HOPX: variants seen among roughly 807,000 people sequenced by gnomAD.
HOPX encodes the protein HOP homeobox.
A neutral mutation model predicts 11.8 loss-of-function variants in HOPX; 5 were observed. The observed-to-expected ratio is 0.43, with a 90% CI of 0.22 to 0.89. The LOEUF (loss-of-function observed/expected upper bound fraction) is 0.89, where lower values mean the gene tolerates loss of function less well. Ranked by LOEUF, HOPX falls within the 40% of genes least tolerant of loss-of-function variation. HOPX has a pLI of 0.28. For missense variants in HOPX, 119 were observed against 120.0 expected, an observed-to-expected ratio of 0.99 and a Z score of 0.04; for synonymous variants, 49 against 49.7, an observed-to-expected ratio of 0.99 and a Z score of 0.06.
At chr4:56,670,857 C>T (rs1218916690) in intron 1 of HOPX, among the ~76,000 whole-genome samples, 1 of 151,936 alleles carries the variant, frequency 6.6e-6, no homozygotes, top group African/African-American at 2.4e-5. Context: ...ATTAGCCAGG[C>T]ATGATGGCAG....
intron 3 of HOPX, among the ~76,000 whole-genome samples, chr4:56,654,085 A>G (rs1717451596): frequency 6.6e-6 from 1 of 152,122 alleles, no homozygotes; most frequent in Non-Finnish European, 1.5e-5. Flanking sequence ...GGTGGTTAAG[A>G]GTCTGGGCTT....
chr4:56,677,528 A>T (rs1719079188), intron 1 of HOPX, among the ~76,000 whole-genome samples: 1 of 151,754 alleles, frequency 6.6e-6, no homozygotes, highest in African/African-American at 2.4e-5. Context: ...GTCTATTAAC[A>T]TCCTAATTTT....
intron 3 of HOPX, among the ~76,000 whole-genome samples, chr4:56,654,920 A>G (rs1717532336): frequency 6.6e-6 from 1 of 152,198 alleles, no homozygotes; most frequent in African/African-American, 2.4e-5. Context: ...AGTTCCAAGT[A>G]GTCTATCATG....
intron 2 of HOPX, chr4:56,656,261 C>A: frequency 1.7e-6 from 2 of 1,166,120 alleles, no homozygotes; most frequent in South Asian, 7.8e-5. Flanking sequence ...CTGCGCCTCC[C>A]GCGCCCCCCG....
chr4:56,678,438 A>ATTTTTT (rs57921708), intron 1 of HOPX, among the ~76,000 whole-genome samples: 7 of 100,268 alleles, frequency 7.0e-5, no homozygotes, highest in African/African-American at 2.1e-4. Context: ...CTAGTCACTG[A>ATTTTTT]TTTTTTTTTT....
At chr4:56,671,751 C>T (rs1718746235) in intron 1 of HOPX, among the ~76,000 whole-genome samples, 1 of 152,098 alleles carries the variant, frequency 6.6e-6, no homozygotes, top group African/African-American at 2.4e-5. Flanking sequence ...TTTGAACCTA[C>T]AATAGATCAC....
chr4:56,650,717 G>T (rs752398547), intron 3 of HOPX: 1 of 1,551,650 alleles, frequency 6.4e-7, no homozygotes, highest in Non-Finnish European at 8.7e-7. Flanking sequence ...AAAAGTAATC[G>T]AAAGCCAAGC....
intron 1 of HOPX, among the ~76,000 whole-genome samples, chr4:56,660,383 T>C (rs1718044780): frequency 6.6e-6 from 1 of 152,182 alleles, no homozygotes; most frequent in African/African-American, 2.4e-5. Context: ...TTTTAAAATG[T>C]TATATTGATT....
At chr4:56,655,341 G>A (rs1717581902) in intron 3 of HOPX, among the ~76,000 whole-genome samples, 1 of 152,166 alleles carries the variant, frequency 6.6e-6, no homozygotes, top group African/African-American at 2.4e-5. Flanking sequence ...TCCTGACAGC[G>A]CCCTCCCTCC....
At chr4:56,655,781 G>C in intron 3 of HOPX, 76 bp downstream of exon 3, 1 of 1,508,076 alleles carries the variant, frequency 6.6e-7, no homozygotes, top group Non-Finnish European at 8.9e-7. Context: ...AGGCGCGGAC[G>C]AACAGGACCG....
intron 1 of HOPX, among the ~76,000 whole-genome samples, chr4:56,662,064 G>A (rs555387736): frequency 6.6e-6 from 1 of 152,186 alleles, no homozygotes; most frequent in East Asian, 1.9e-4. Flanking sequence ...CACAGAGATA[G>A]ATTGAAAATG....
intron 1 of HOPX, 59 bp from the exon 2 acceptor site, chr4:56,657,958 T>C (rs6857396): frequency 0.35 from 521,826 of 1,489,848 alleles, 94,339 homozygotes; most frequent in Middle Eastern, 0.41. Flanking sequence ...CATTGCCATT[T>C]TGAATGGGCA....
At chr4:56,666,671 T>A (rs989905282) in intron 1 of HOPX, among the ~76,000 whole-genome samples, 1 of 152,208 alleles carries the variant, frequency 6.6e-6, no homozygotes, top group African/African-American at 2.4e-5. Flanking sequence ...AGTGGAGTAT[T>A]TAGTCTACTT....
chr4:56,656,943 GCTGT>G (rs918075905), intron 2 of HOPX, among the ~76,000 whole-genome samples: 10 of 152,270 alleles, frequency 6.6e-5, no homozygotes, highest in African/African-American at 2.4e-4. Flanking sequence ...GATCCAGTCA[GCTGT>G]CTTTTAAAAT....
chr4:56,649,656 C>T (rs1000497302), intron 3 of HOPX: 2 of 152,220 alleles, frequency 1.3e-5, no homozygotes, highest in African/African-American at 4.8e-5. Flanking sequence ...GTACAGAAGG[C>T]CCCAGATGGG....
intron 3 of HOPX, 132 bp from the exon 4 acceptor site, chr4:56,648,929 TCTCA>T (rs1413051589): frequency 2.0e-5 from 13 of 636,398 alleles, no homozygotes; most frequent in Non-Finnish European, 3.0e-5. Context: ...TAGGGATGGT[TCTCA>T]CTGTGACACT....
chr4:56,661,407 C>T (rs1181060229), intron 1 of HOPX, among the ~76,000 whole-genome samples: 3 of 152,156 alleles, frequency 2.0e-5, no homozygotes, highest in Non-Finnish European at 4.4e-5. Context: ...CATTGCCTCT[C>T]TGAACACTCT....
chr4:56,650,424 G>A (rs989921351), intron 3 of HOPX: 12 of 407,940 alleles, frequency 2.9e-5, no homozygotes, highest in Non-Finnish European at 4.0e-5. Context: ...GAACAGGATG[G>A]GCTCTAGGAA....
At chr4:56,663,929 G>A (rs1251435245) in intron 1 of HOPX, 1 of 152,104 alleles carries the variant, frequency 6.6e-6, no homozygotes, top group East Asian at 1.9e-4. Flanking sequence ...AATGAAATTG[G>A]AATTAATGTA....
Sources: gnomAD v4.1 joint callset for allele counts (sites outside exome capture counted in the v4.1 genomes callset) on GRCh38, gnomAD v4.1.1 for gene constraint, MANE v1.5 for transcripts, NCBI Gene and HGNC (gene_info 2026-07-23, HGNC 2026-07-21) for gene names.